Variants in BCAS4 observed in about 807,000 individuals in gnomAD.
BCAS4 encodes breast carcinoma amplified sequence 4.
In BCAS4, 9 loss-of-function variants were observed where a neutral mutation model predicts 15.7. The observed-to-expected ratio is 0.57, with a 90% CI of 0.34 to 1.00. The LOEUF is 1.00. BCAS4 is among the 50% of genes least tolerant of loss of function. The pLI, the probability that BCAS4 is intolerant of heterozygous loss-of-function variation, is 0.02. For missense variants in BCAS4, 225 were observed against 239.1 expected, an observed-to-expected ratio of 0.94 and a Z score of 0.39; for synonymous variants, 101 against 99.5, an observed-to-expected ratio of 1.02 and a Z score of -0.09.
At chr20:50,805,919 G>A (rs1364905502) in intron 1 of BCAS4, among the ~76,000 whole-genome samples, 1 of 151,682 alleles carries the variant, frequency 6.6e-6, no homozygotes, top group East Asian at 1.9e-4. Context: ...AGTGATTGCA[G>A]TGAGTTGAGA....
At chr20:50,869,757 T>C (rs1044242710) in intron 4 of BCAS4, among the ~76,000 whole-genome samples, 1 of 145,400 alleles carries the variant, frequency 6.9e-6, no homozygotes, top group African/African-American at 2.6e-5. Flanking sequence ...TTTTTTTTTT[T>C]TTTTTTTTTG....
At chr20:50,830,915 T>C (rs1222971869) in intron 3 of BCAS4, among the ~76,000 whole-genome samples, 2 of 152,178 alleles carry the variant, frequency 1.3e-5, no homozygotes, top group African/African-American at 4.8e-5. Flanking sequence ...AAAATCTGCA[T>C]TTTAAGCTTT....
At chr20:50,821,694 G>T (rs2088218652) in intron 2 of BCAS4, among the ~76,000 whole-genome samples, 1 of 152,170 alleles carries the variant, frequency 6.6e-6, no homozygotes, top group Non-Finnish European at 1.5e-5. Flanking sequence ...GGCAGGCCCT[G>T]GGCTGCACGG....
rs77926769 is a variant in BCAS4, at chr20:50,855,470, C to T, written c.399+13570C>T. Among the ~76,000 whole-genome samples the T allele has an allele frequency of 3.9e-3, 588 of 152,238 alleles. 3 individuals carry two copies. The highest frequency in any genetic ancestry group is 6.9e-3 in the Non-Finnish European group (468 of 67,998). ...ACACAATCACAAACCTTCACTGTGC[C>T]CCCTGTCCCCCAGGCCACAATCCTC... On this transcript the variant is annotated intron_variant, in intron 4 of 4. Coordinates refer to ENST00000371608, the MANE Select transcript of BCAS4 (RefSeq NM_198799.4).
intron 3 of BCAS4, among the ~76,000 whole-genome samples, chr20:50,834,292 CTTTTTTT>C (rs74175526): frequency 1.7e-5 from 2 of 121,102 alleles, no homozygotes; most frequent in African/African-American, 6.6e-5. Context: ...TCGAACTCTT[CTTTTTTT>C]TTTTTTTTTT....
At chr20:50,831,199 C>T (rs976798467) in intron 3 of BCAS4, among the ~76,000 whole-genome samples, 3 of 152,130 alleles carry the variant, frequency 2.0e-5, no homozygotes, top group East Asian at 1.9e-4. Flanking sequence ...GAGGCTGAGG[C>T]GGGTGGATCA....
the BCAS4 span, chr20:50,882,670 A>G: frequency 6.6e-6 from 1 of 152,254 alleles, no homozygotes; most frequent in African/African-American, 2.4e-5. Flanking sequence ...AGGAGAATGC[A>G]TATAAAGAAC....
chr20:50,798,473 A>C (rs2038228378), intron 1 of BCAS4, among the ~76,000 whole-genome samples: 1 of 152,036 alleles, frequency 6.6e-6, no homozygotes, highest in African/African-American at 2.4e-5. Context: ...CAAGGAGTTC[A>C]AGACCAGCCT....
In BCAS4 at chr20:50,873,952, C is replaced by T. The variant is rs144026963; in HGVS notation, c.400-2534C>T. On this transcript the variant is annotated intron_variant, in intron 4 of 4. Transcript: ENST00000371608. ...GAGCATGTTTTAGCTTATTTAAGAT[C>T]CTTTGATGGTTCCCTTCTGCAACAG... is the stretch of plus-strand genomic sequence containing the variant. Among the ~76,000 whole-genome samples the T allele has an allele frequency of 2.7e-3, 418 of 152,264 alleles. 1 individual carries two copies. Among genetic ancestry groups the T allele is most frequent in the African/African-American group, 9.5e-3 (396 of 41,558 alleles).
At chr20:50,848,079 TTAGA>T (rs1462785084) in intron 4 of BCAS4, among the ~76,000 whole-genome samples, 1 of 151,450 alleles carries the variant, frequency 6.6e-6, no homozygotes, top group Non-Finnish European at 1.5e-5. Flanking sequence ...GAAAATTCAG[TTAGA>T]TGGCTGTTTC....
chr20:50,849,044 T>G (rs540200325), intron 4 of BCAS4, among the ~76,000 whole-genome samples: 4 of 152,146 alleles, frequency 2.6e-5, no homozygotes, highest in Non-Finnish European at 5.9e-5. Flanking sequence ...ACCTCGGAAG[T>G]GCACAGAGGC....
At chr20:50,863,035 T>A (rs1358004445) in intron 4 of BCAS4, among the ~76,000 whole-genome samples, 2 of 152,124 alleles carry the variant, frequency 1.3e-5, no homozygotes, top group Non-Finnish European at 2.9e-5. Context: ...TTTACCATGT[T>A]GGCCAGGCTG....
chr20:50,800,161 A>T (rs921882260), intron 1 of BCAS4, among the ~76,000 whole-genome samples: 1 of 152,170 alleles, frequency 6.6e-6, no homozygotes, highest in Non-Finnish European at 1.5e-5. Flanking sequence ...GAGACTCAGG[A>T]GGGTGAATAG....
At chr20:50,829,948 A>G (rs1008840733) in intron 2 of BCAS4, among the ~76,000 whole-genome samples, 2 of 152,230 alleles carry the variant, frequency 1.3e-5, no homozygotes, top group African/African-American at 4.8e-5. Flanking sequence ...ACTTTGGTTT[A>G]GAGAAGAGAT....
At chr20:50,836,201 C>T (rs887510805) in intron 3 of BCAS4, among the ~76,000 whole-genome samples, 1 of 152,206 alleles carries the variant, frequency 6.6e-6, no homozygotes, top group Non-Finnish European at 1.5e-5. Flanking sequence ...CCGGCGTGAG[C>T]CACTGCGCCT....
chr20:50,864,371 T>C (rs1168452067), intron 4 of BCAS4, among the ~76,000 whole-genome samples: 5 of 151,884 alleles, frequency 3.3e-5, no homozygotes, highest in Non-Finnish European at 5.9e-5. Context: ...CTGCAGAGGA[T>C]TGTTGTGTGT....
At chr20:50,846,688 A>G (rs6096124) in intron 4 of BCAS4, 11,555 of 135,254 alleles carry the variant, frequency 0.085, 795 homozygotes, top group East Asian at 0.26. Context: ...ATCTTGGCTC[A>G]CTGCAACCTC....
intron 2 of BCAS4, 70 bp downstream of exon 2, chr20:50,818,352 C>T (rs1057021465): frequency 7.7e-6 from 10 of 1,292,386 alleles, no homozygotes; most frequent in Middle Eastern, 2.0e-4. Context: ...GAGTTTTCTG[C>T]GGAAGCCATT....
At chr20:50,806,905 T>G (rs1278868041) in intron 1 of BCAS4, among the ~76,000 whole-genome samples, 1 of 134,442 alleles carries the variant, frequency 7.4e-6, no homozygotes, top group Non-Finnish European at 1.5e-5. Flanking sequence ...CGAGTCTCAC[T>G]CTGTTGCCCA....
Sources: gnomAD v4.1 joint callset for allele counts (sites outside exome capture counted in the v4.1 genomes callset) on GRCh38, gnomAD v4.1.1 for gene constraint, MANE v1.5 for transcripts, NCBI Gene and HGNC (gene_info 2026-07-23, HGNC 2026-07-21) for gene names.